The following ADCY5 variants were observed in gnomAD, a reference collection of about 807,000 sequenced individuals.
The protein encoded by ADCY5 is adenylate cyclase type 5.
In ADCY5, 30 loss-of-function variants were observed where a neutral mutation model predicts 119.7. The observed-to-expected ratio is 0.25, with a 90% CI of 0.19 to 0.34. The LOEUF (loss-of-function observed/expected upper bound fraction) is 0.34. Among genes scored for constraint, ADCY5 ranks in the 10% least tolerant of loss-of-function variants. ADCY5 has a pLI of 1.00. For synonymous variants in ADCY5, 753 were observed against 762.2 expected (o/e 0.99, Z 0.20); for missense variants, 1,324 against 1,775.2 (o/e 0.75, Z 4.57).
At chr3:123,303,838 A>AAGAG (rs1940008231) in intron 13 of ADCY5, among the ~76,000 whole-genome samples, 4 of 99,456 alleles carry the variant, frequency 4.0e-5, no homozygotes, top group African/African-American at 9.0e-5. Context: ...ACTGGAAAGA[A>AAGAG]AAGAGAAGAG....
chr3:123,344,321 C>T lies in ADCY5; in HGVS notation c.1406+3461G>A, dbSNP rs1234596869. Among the ~76,000 whole-genome samples, 5 of 152,188 alleles carry T rather than the reference C, an allele frequency of 3.3e-5. No homozygotes were observed. The East Asian group carries it at 5.8e-4, about 18-fold the overall frequency. On this transcript the variant is annotated intron_variant, in intron 3 of 20. Transcript: ENST00000462833. ...TGAATGTGACTCATCACCCTCCATT[C>T]GCCAACTAGAGAATCCCCAGGCCTT...
intron 1 of ADCY5, among the ~76,000 whole-genome samples, chr3:123,369,121 A>G (rs1943550287): frequency 6.6e-6 from 1 of 152,172 alleles, no homozygotes; most frequent in African/African-American, 2.4e-5. Context: ...GATTAAAGTC[A>G]TCAGGGTGGG....
At chr3:123,410,064 C>A (rs1945003082) in intron 1 of ADCY5, among the ~76,000 whole-genome samples, 1 of 152,198 alleles carries the variant, frequency 6.6e-6, no homozygotes, top group Non-Finnish European at 1.5e-5. Context: ...GGCCCCATAG[C>A]CCTGAGGTCC....
chr3:123,421,569 T>C (rs557683459), intron 1 of ADCY5, among the ~76,000 whole-genome samples: 5 of 152,210 alleles, frequency 3.3e-5, no homozygotes, highest in East Asian at 1.9e-4. Flanking sequence ...CACAGGGCAA[T>C]TGCTCCCTGT....
intron 8 of ADCY5, 125 bp downstream of exon 8, chr3:123,325,197 G>A: frequency 3.8e-6 from 5 of 1,299,050 alleles, no homozygotes; most frequent in Admixed American, 2.4e-5. Flanking sequence ...AACCGCACTT[G>A]TATTTGCTTG....
At chr3:123,332,346 G>C (rs1941804440) in intron 4 of ADCY5, among the ~76,000 whole-genome samples, 1 of 152,256 alleles carries the variant, frequency 6.6e-6, no homozygotes, top group Non-Finnish European at 1.5e-5. Context: ...CGACAGTGCT[G>C]AAAGCAACTC....
At chr3:123,418,074 A>G (rs866341266) in intron 1 of ADCY5, among the ~76,000 whole-genome samples, 1 of 152,160 alleles carries the variant, frequency 6.6e-6, no homozygotes, top group South Asian at 2.1e-4. Flanking sequence ...TCTAAGTTAC[A>G]GAGCACTCAG....
chr3:123,361,047 A>G (rs763119549), intron 1 of ADCY5, among the ~76,000 whole-genome samples: 13 of 152,242 alleles, frequency 8.5e-5, no homozygotes, highest in Non-Finnish European at 1.9e-4. Flanking sequence ...GCTGTTATTT[A>G]TCCCAACCTA....
rs577158323 is a variant in ADCY5, at chr3:123,294,340, G to T, written c.3063+1744C>A. ...CTGGGCAGAGATTTGCTGAGGATCA[G>T]AAAATTAGTGGAATATCAGACTCTC... On this transcript the variant is annotated intron_variant, in intron 17 of 20. Transcript: ENST00000462833. 7.2e-5 allele frequency among the ~76,000 whole-genome samples: 11 copies of T among 152,328 alleles called. No individual in the cohort carries two copies. The South Asian group carries it at 2.3e-3, about 32-fold the overall frequency.
chr3:123,436,729 T>G (rs1945624759), intron 1 of ADCY5, among the ~76,000 whole-genome samples: 2 of 151,940 alleles, frequency 1.3e-5, no homozygotes, highest in African/African-American at 4.8e-5. Flanking sequence ...AATAATAAAT[T>G]TAAAAATAAG....
At chr3:123,303,693 T>C (rs1399531312) in intron 13 of ADCY5, among the ~76,000 whole-genome samples, 1 of 151,980 alleles carries the variant, frequency 6.6e-6, no homozygotes, top group East Asian at 1.9e-4. Flanking sequence ...GGCGTGGTGG[T>C]GCACACCTGT....
At chr3:123,357,379 C>G (rs1268153675) in intron 1 of ADCY5, among the ~76,000 whole-genome samples, 7 of 152,098 alleles carry the variant, frequency 4.6e-5, no homozygotes, top group Non-Finnish European at 1.5e-5. Flanking sequence ...GGCATGACCC[C>G]CAAAGCAATT....
intron 1 of ADCY5, among the ~76,000 whole-genome samples, chr3:123,367,728 A>G (rs1357869389): frequency 6.6e-6 from 1 of 152,104 alleles, no homozygotes; most frequent in African/African-American, 2.4e-5. Context: ...CACCCTACAC[A>G]GGTGAAGTGC....
chr3:123,439,724 G>A (rs1263494759), intron 1 of ADCY5, among the ~76,000 whole-genome samples: 2 of 152,190 alleles, frequency 1.3e-5, no homozygotes, highest in African/African-American at 4.8e-5. Flanking sequence ...CACATTTAGT[G>A]GGAGAGCCTG....
intron 1 of ADCY5, among the ~76,000 whole-genome samples, chr3:123,404,911 C>A (rs1944862681): frequency 6.6e-6 from 1 of 152,238 alleles, no homozygotes; most frequent in South Asian, 2.1e-4. Flanking sequence ...CCATCTTCAA[C>A]TGGCTCTGAA....
rs1559775716 is a variant in ADCY5 at position 123,286,823 on chromosome 3, GAATCA to G, written c.3533-19_3533-15del. The stretch of plus-strand genomic sequence containing the variant: ...CGATGTTGAGCCCTGCAGGGGACAG[GAATCA>G]GCCACAGTCATCACATCTCTGGCTT... On this transcript the variant is annotated splice_polypyrimidine_tract_variant and intron_variant, in intron 19 of 20. Coordinates refer to ENST00000462833, the MANE Select transcript of ADCY5 (RefSeq NM_183357.3). This position sits in a 1 kb window ranked among gnomAD's most constrained non-coding sequence, Gnocchi z 4.2. 7 of 1,584,318 alleles carry G rather than the reference GAATCA, an allele frequency of 4.4e-6. No individual in the cohort carries two copies. Among genetic ancestry groups the G allele is most frequent in the Non-Finnish European group, 8.6e-7 (1 of 1,167,548 alleles).
Position 123,383,618 on chromosome 3 carries a change from C to T in ADCY5, c.1135-31037G>A, listed in dbSNP as rs528494652. On this transcript the variant is annotated intron_variant, in intron 1 of 20. Coordinates refer to ENST00000462833, the MANE Select transcript of ADCY5 (RefSeq NM_183357.3). Reference sequence around the variant, plus strand: ...GAGGAATGCCAGATGGCAAAGTGCCCGCCCACGGGGCTAATTTTAGGCTCA... The same window carrying T: ...GAGGAATGCCAGATGGCAAAGTGCCTGCCCACGGGGCTAATTTTAGGCTCA... 3.9e-5 allele frequency among the ~76,000 whole-genome samples: 6 copies of T among 152,264 alleles called. No homozygotes were observed. The South Asian group carries it at 1.0e-3, about 26-fold the overall frequency.
intron 1 of ADCY5, among the ~76,000 whole-genome samples, chr3:123,362,717 T>G (rs1943293567): frequency 6.6e-6 from 1 of 152,184 alleles, no homozygotes; most frequent in African/African-American, 2.4e-5. Flanking sequence ...ACATAAACTC[T>G]GCAGGCTCCA....
chr3:123,327,021 G>A (rs956193854), intron 7 of ADCY5, among the ~76,000 whole-genome samples: 2 of 152,194 alleles, frequency 1.3e-5, no homozygotes, highest in South Asian at 2.1e-4. Flanking sequence ...TTAGTTTAGG[G>A]AGAAATAGAA....
Sources: gnomAD v4.1 joint callset for allele counts (sites outside exome capture counted in the v4.1 genomes callset) on GRCh38, gnomAD v4.1.1 for gene constraint, Gnocchi (gnomAD v3.1) non-coding constraint, MANE v1.5 for transcripts, NCBI Gene and HGNC (gene_info 2026-07-23, HGNC 2026-07-21) for gene names.